Variants in C1QTNF3 observed in about 807,000 individuals in gnomAD.
The protein encoded by C1QTNF3 is complement C1q tumor necrosis factor-related protein 3.
A neutral mutation model predicts 32.6 loss-of-function variants in C1QTNF3; 26 were observed. The ratio of observed to expected loss-of-function variants is 0.80; its 90% CI spans 0.58 to 1.11. C1QTNF3 has a LOEUF of 1.11. Ranked by LOEUF, C1QTNF3 falls within the 50% of genes least tolerant of loss-of-function variation. The pLI is 0.00. For synonymous variants in C1QTNF3, 155 were observed against 146.0 expected, an observed-to-expected ratio of 1.06 and a Z score of -0.44; for missense variants, 362 against 398.2, an observed-to-expected ratio of 0.91 and a Z score of 0.77.
the C1QTNF3 span, among the ~76,000 whole-genome samples, chr5:34,075,743 A>AT: frequency 6.6e-6 from 1 of 151,568 alleles, no homozygotes; most frequent in Non-Finnish European, 1.5e-5. Context: ...CTGGGGATAT[A>AT]TTTTAAAAAA....
At chr5:34,177,559 T>A in the C1QTNF3 span, among the ~76,000 whole-genome samples, 3 of 142,786 alleles carry the variant, frequency 2.1e-5, no homozygotes, top group East Asian at 6.6e-4. Flanking sequence ...CAATCTCGGC[T>A]CACTGCAACC....
At chr5:34,063,832 T>G in the C1QTNF3 span, among the ~76,000 whole-genome samples, 1 of 151,928 alleles carries the variant, frequency 6.6e-6, no homozygotes, top group African/African-American at 2.4e-5. Context: ...TCGGAGGAAG[T>G]AGGTTCAGAG....
At chr5:34,175,048 C>CA in the C1QTNF3 span, among the ~76,000 whole-genome samples, 2 of 136,572 alleles carry the variant, frequency 1.5e-5, no homozygotes, top group African/African-American at 5.4e-5. Context: ...TGCCCAGCTC[C>CA]TTTTTTTTTT....
chr5:34,144,849 T>G, the C1QTNF3 span, among the ~76,000 whole-genome samples: 141 of 152,102 alleles, frequency 9.3e-4, 1 homozygote, highest in African/African-American at 3.2e-3. Flanking sequence ...CAAATATCAG[T>G]AAAAATAACT....
the C1QTNF3 span, among the ~76,000 whole-genome samples, chr5:34,157,957 T>G: frequency 6.6e-6 from 1 of 152,076 alleles, no homozygotes; most frequent in African/African-American, 2.4e-5. Context: ...AAATCTACAT[T>G]TCAATGTATT....
At chr5:34,142,302 C>T in the C1QTNF3 span, among the ~76,000 whole-genome samples, 1 of 152,028 alleles carries the variant, frequency 6.6e-6, no homozygotes, top group Non-Finnish European at 1.5e-5. Flanking sequence ...CATAGTGGTG[C>T]GTGCCTGTAG....
At chr5:34,076,607 G>C in the C1QTNF3 span, among the ~76,000 whole-genome samples, 1 of 151,606 alleles carries the variant, frequency 6.6e-6, no homozygotes. Context: ...TTAAATTTCA[G>C]TGGCATCTAG....
the C1QTNF3 span, chr5:34,165,227 T>G: frequency 6.6e-6 from 1 of 152,104 alleles, no homozygotes; most frequent in East Asian, 1.9e-4. Context: ...TCCCTAGTTC[T>G]GAAGCTTCAG....
At chr5:34,169,099 T>TA in the C1QTNF3 span, 1 of 152,198 alleles carries the variant, frequency 6.6e-6, no homozygotes, top group Non-Finnish European at 1.5e-5. Context: ...AGTACTCTCT[T>TA]AGACGCAGAC....
chr5:34,023,778 C>CAT, intron 5 of C1QTNF3, 131 bp downstream of exon 5: 1 of 601,556 alleles, frequency 1.7e-6, no homozygotes, highest in South Asian at 2.2e-5. Context: ...CATACTGGTG[C>CAT]ATGAGGGCTC....
chr5:34,229,293 C>A, the C1QTNF3 span, among the ~76,000 whole-genome samples: 1 of 151,818 alleles, frequency 6.6e-6, no homozygotes, highest in Middle Eastern at 3.2e-3. Context: ...CTACCTCTTC[C>A]TCTATGTGAT....
chr5:34,207,275 GATATAT>G, the C1QTNF3 span, among the ~76,000 whole-genome samples: 1 of 143,032 alleles, frequency 7.0e-6, no homozygotes, highest in African/African-American at 2.6e-5. Flanking sequence ...TCAAATTTGA[GATATAT>G]ATATATATAT....
the C1QTNF3 span, among the ~76,000 whole-genome samples, chr5:34,162,618 G>T: frequency 2.0e-5 from 3 of 152,064 alleles, no homozygotes; most frequent in Admixed American, 2.0e-4. Flanking sequence ...TTATATGCAA[G>T]TTCTCTTTAT....
the C1QTNF3 span, among the ~76,000 whole-genome samples, chr5:34,050,780 C>T: frequency 6.6e-6 from 1 of 152,218 alleles, no homozygotes; most frequent in South Asian, 2.1e-4. Context: ...GACATGGCTT[C>T]TCTTCCTAAG....
chr5:34,171,212 T>C, the C1QTNF3 span, among the ~76,000 whole-genome samples: 873 of 151,944 alleles, frequency 5.7e-3, 4 homozygotes, highest in Non-Finnish European at 9.1e-3. Context: ...GAGTTCAGGG[T>C]TTCCACCGAG....
At chr5:34,119,563 A>C in the C1QTNF3 span, among the ~76,000 whole-genome samples, 2 of 152,148 alleles carry the variant, frequency 1.3e-5, no homozygotes, top group Non-Finnish European at 2.9e-5. Context: ...TTATGACCTT[A>C]CAGATCTGGA....
the C1QTNF3 span, among the ~76,000 whole-genome samples, chr5:34,147,897 C>G: frequency 6.6e-6 from 1 of 152,162 alleles, no homozygotes; most frequent in Non-Finnish European, 1.5e-5. Context: ...CAGCTCCCAG[C>G]GTGAGCGACG....
intron 3 of C1QTNF3, 157 bp from the exon 4 acceptor site, chr5:34,029,040 A>G: frequency 1.9e-6 from 1 of 537,394 alleles, no homozygotes; most frequent in Non-Finnish European, 3.2e-6. Context: ...TAATTCCAAC[A>G]TTTGAATGCT....
chr5:34,218,806 T>C, the C1QTNF3 span, among the ~76,000 whole-genome samples: 3 of 152,146 alleles, frequency 2.0e-5, no homozygotes. Flanking sequence ...GTAAATATGC[T>C]TTCTGAATTT....
Sources: gnomAD v4.1 joint callset for allele counts (sites outside exome capture counted in the v4.1 genomes callset) on GRCh38, gnomAD v4.1.1 for gene constraint, MANE v1.5 for transcripts, NCBI Gene and HGNC (gene_info 2026-07-23, HGNC 2026-07-21) for gene names.